Variants in NLGN4Y observed in about 807,000 individuals in gnomAD.
NLGN4Y encodes neuroligin-4, Y-linked.
In NLGN4Y, 4 loss-of-function variants were observed where a neutral mutation model predicts 8.4. That is an observed-to-expected ratio of 0.48 (90% CI 0.23 to 1.09). The LOEUF is 1.09. NLGN4Y is among the 50% of genes least tolerant of loss of function. The probability of loss-of-function intolerance (pLI) is 0.19; values close to 1 mark genes in which losing one functional copy is unlikely to be tolerated. For missense variants in NLGN4Y, 90 were observed against 192.3 expected (o/e 0.47, Z 3.15); for synonymous variants, 35 against 75.6 (o/e 0.46, Z 2.78).
At chrY:14,666,868 A>T (rs749524037) in intron 2 of NLGN4Y, among the ~76,000 whole-genome samples, 1 of 32,759 alleles carries the variant, frequency 3.1e-5, no homozygotes, top group South Asian at 6.9e-4. Flanking sequence ...CAGAGGGACT[A>T]AATAGGTGGA....
chrY:14,763,450 C>A, intron 4 of NLGN4Y, among the ~76,000 whole-genome samples: 1 of 32,933 alleles, frequency 3.0e-5, no homozygotes, highest in Admixed American at 2.8e-4. Flanking sequence ...ATAGGAAACC[C>A]CCCTTGCTTC....
At chrY:14,823,228 A>G in intron 4 of NLGN4Y, among the ~76,000 whole-genome samples, 1 of 33,418 alleles carries the variant, frequency 3.0e-5, no homozygotes, top group Non-Finnish European at 7.4e-5. Context: ...GGTTAGGAAT[A>G]TGCTTTGAAG....
At chrY:14,536,099 T>TAA (rs2080131594) in intron 1 of NLGN4Y, among the ~76,000 whole-genome samples, 2 of 32,768 alleles carry the variant, frequency 6.1e-5, no homozygotes, top group South Asian at 1.4e-3. Context: ...TCTTTCTTTC[T>TAA]AGACCAACAT....
chrY:14,626,472 G>T (rs778807367), intron 2 of NLGN4Y, among the ~76,000 whole-genome samples: 2 of 34,152 alleles, frequency 5.9e-5, no homozygotes, highest in African/African-American at 2.3e-4. Context: ...CTTCCTGTGA[G>T]TTCGTGGTCT....
At chrY:14,653,040 GTA>G (rs771944897) in intron 2 of NLGN4Y, among the ~76,000 whole-genome samples, 1 of 31,622 alleles carries the variant, frequency 3.2e-5, no homozygotes, top group East Asian at 8.4e-4. Context: ...ATAGATATGT[GTA>G]TATATATATA....
intron 1 of NLGN4Y, among the ~76,000 whole-genome samples, chrY:14,592,641 C>A (rs2080376394): frequency 3.1e-5 from 1 of 32,338 alleles, no homozygotes; most frequent in Non-Finnish European, 7.5e-5. Context: ...ATGGTCCTTC[C>A]CACAAAGAGT....
intron 4 of NLGN4Y, among the ~76,000 whole-genome samples, chrY:14,818,773 C>T: frequency 3.0e-5 from 1 of 33,567 alleles, no homozygotes; most frequent in Non-Finnish European, 7.4e-5. Context: ...TCTGTCCTCT[C>T]TGAAGCACCA....
At chrY:14,784,610 A>G in intron 4 of NLGN4Y, among the ~76,000 whole-genome samples, 1 of 27,824 alleles carries the variant, frequency 3.6e-5, no homozygotes, top group Non-Finnish European at 8.5e-5. Context: ...CAGTGAGCCG[A>G]GATTGCGCCA....
Position 14,829,880 on chromosome Y carries a change from A to G in NLGN4Y, c.1022A>G (p.Lys341Arg). The change falls in exon 6 of 7, where the codon AAG becomes AGG. Residue 341 changes from lysine (K) to arginine (R), a missense_variant. Coordinates refer to ENST00000684976, the MANE Select transcript of NLGN4Y (RefSeq NM_001365588.1). Reference protein sequence around the residue: ...TTDMVECLKNKNYKELIQQTI... With the variant: ...TTDMVECLKNRNYKELIQQTI... Reference sequence around the variant, plus strand: ...GACATGGTAGAATGTCTGAAGAACAAGAACTACAAGGAGCTCATCCAGCAG... The same window carrying G: ...GACATGGTAGAATGTCTGAAGAACAGGAACTACAAGGAGCTCATCCAGCAG... 1 of 399,001 alleles carries G rather than the reference A, an allele frequency of 2.5e-6. No individual in the cohort carries two copies. The highest frequency in any genetic ancestry group is 3.5e-6 in the Non-Finnish European group (1 of 283,719).
At chrY:14,764,066 G>T (rs751786641) in intron 4 of NLGN4Y, among the ~76,000 whole-genome samples, 1 of 33,249 alleles carries the variant, frequency 3.0e-5, no homozygotes, top group South Asian at 6.7e-4. Flanking sequence ...CTTTTCATAG[G>T]CATATATGTA....
intron 4 of NLGN4Y, among the ~76,000 whole-genome samples, chrY:14,787,236 C>G (rs935357150): frequency 6.3e-5 from 2 of 31,788 alleles, no homozygotes; most frequent in Non-Finnish European, 1.5e-4. Context: ...CTCTTGACCA[C>G]GCTGGTTTTG....
intron 2 of NLGN4Y, among the ~76,000 whole-genome samples, chrY:14,637,592 G>T: frequency 3.0e-5 from 1 of 33,369 alleles, no homozygotes; most frequent in Non-Finnish European, 7.4e-5. Context: ...AAAGAAAATA[G>T]GATACCTCCA....
chrY:14,548,626 C>CT (rs2080180750), intron 1 of NLGN4Y, among the ~76,000 whole-genome samples: 18 of 32,678 alleles, frequency 5.5e-4, no homozygotes, highest in Non-Finnish European at 1.1e-3. Context: ...TCTCTTACAC[C>CT]TTTTTTTTTC....
chrY:14,693,844 G>T, intron 2 of NLGN4Y, among the ~76,000 whole-genome samples: 1 of 31,419 alleles, frequency 3.2e-5, no homozygotes, highest in African/African-American at 1.3e-4. Context: ...TAAATACGAT[G>T]AAACTTAAAA....
intron 1 of NLGN4Y, among the ~76,000 whole-genome samples, chrY:14,564,807 G>A (rs923138359): frequency 3.0e-5 from 1 of 33,389 alleles, no homozygotes; most frequent in African/African-American, 1.2e-4. Flanking sequence ...CATCTGGCAG[G>A]TTCCCTGCTG....
chrY:14,624,737 T>A, intron 2 of NLGN4Y, among the ~76,000 whole-genome samples: 4 of 32,990 alleles, frequency 1.2e-4, no homozygotes, highest in African/African-American at 2.4e-4. Flanking sequence ...TTTTTGTATC[T>A]CTATCAACTC....
At chrY:14,716,699 G>A in intron 2 of NLGN4Y, among the ~76,000 whole-genome samples, 1 of 32,936 alleles carries the variant, frequency 3.0e-5, no homozygotes, top group Non-Finnish European at 7.5e-5. Flanking sequence ...TCATCAAAAT[G>A]AAAAACTTTT....
chrY:14,818,519 G>A (rs769892930), intron 4 of NLGN4Y, among the ~76,000 whole-genome samples: 1 of 33,041 alleles, frequency 3.0e-5, no homozygotes, highest in South Asian at 6.9e-4. Flanking sequence ...GGGGCTCAGT[G>A]AGGGGGACAA....
intron 1 of NLGN4Y, among the ~76,000 whole-genome samples, chrY:14,537,718 C>T: frequency 3.0e-5 from 1 of 33,303 alleles, no homozygotes; most frequent in Non-Finnish European, 7.4e-5. Context: ...GAAGCCAAGG[C>T]GAGCAGATCA....
Sources: gnomAD v4.1 joint callset for allele counts (sites outside exome capture counted in the v4.1 genomes callset) on GRCh38, gnomAD v4.1.1 for gene constraint, MANE v1.5 for transcripts, NCBI Gene and HGNC (gene_info 2026-07-23, HGNC 2026-07-21) for gene names.